The following SPECC1 variants were observed in gnomAD, a reference collection of about 807,000 sequenced individuals.
SPECC1 encodes the protein sperm antigen with calponin homology and coiled-coil domains 1.
SPECC1 carries 62 observed loss-of-function variants against 104.1 expected under a neutral mutation model. That is an observed-to-expected ratio of 0.60 (90% CI 0.49 to 0.74). SPECC1 has a LOEUF of 0.74. SPECC1 is among the 30% of genes least tolerant of loss of function. The probability of loss-of-function intolerance (pLI) is 0.00; values close to 1 mark genes in which losing one functional copy is unlikely to be tolerated. For missense variants in SPECC1, 1,306 were observed against 1,310.5 expected, an observed-to-expected ratio of 1.00 and a Z score of 0.05; for synonymous variants, 513 against 501.6, an observed-to-expected ratio of 1.02 and a Z score of -0.30.
intron 4 of SPECC1, among the ~76,000 whole-genome samples, chr17:20,211,054 T>G (rs1043330178): frequency 1.3e-5 from 2 of 152,152 alleles, no homozygotes; most frequent in African/African-American, 4.8e-5. Flanking sequence ...AATGACATTA[T>G]TGTCACTCAG....
chr17:20,133,838 TTCCCAA>T (rs2049784127), intron 3 of SPECC1, among the ~76,000 whole-genome samples: 1 of 152,174 alleles, frequency 6.6e-6, no homozygotes, highest in African/African-American at 2.4e-5. Flanking sequence ...GCACTCCGTA[TTCCCAA>T]CCAGACCAGT....
chr17:20,012,637 C>T (rs2043982851), intron 1 of SPECC1, among the ~76,000 whole-genome samples: 1 of 151,716 alleles, frequency 6.6e-6, no homozygotes, highest in Non-Finnish European at 1.5e-5. Context: ...AATTGTTACT[C>T]TTACCATTAG....
rs1251408772 is a variant in SPECC1, at chr17:20,314,477, T to TG, written c.*413dup. The TG allele has an allele frequency of 1.3e-5, 4 of 309,150 alleles. No homozygotes were observed. The highest frequency in any genetic ancestry group is 8.1e-5 in the African/African-American group (4 of 49,130). 19.2% of individuals were successfully genotyped at this position (309,150 alleles called of 1,614,324 possible). On this transcript the variant is annotated 3_prime_UTR_variant, in exon 15 of 15. Coordinates refer to ENST00000395527, the MANE Select transcript of SPECC1 (RefSeq NM_001243439.2). ...TAAAAATATCCCGGCTTTGCCTTTA[T>TG]GAAACCTTTGCCCTTGGCTGGGTGT...
At chr17:20,083,196 A>G (rs749540964) in intron 1 of SPECC1, among the ~76,000 whole-genome samples, 7 of 152,226 alleles carry the variant, frequency 4.6e-5, no homozygotes, top group Non-Finnish European at 1.0e-4. Flanking sequence ...GCTAGGCAGC[A>G]GGCACAGCAG....
Position 20,133,363 on chromosome 17 carries a change from G to A in SPECC1, c.283+22801G>A, listed in dbSNP as rs149725190. Reference sequence around the variant, plus strand: ...ACGTACCTAGGACAGAAGCAGAAGTGTAGATTATTTTGTAAAATGTGATTT... The same window carrying A: ...ACGTACCTAGGACAGAAGCAGAAGTATAGATTATTTTGTAAAATGTGATTT... On this transcript the variant is annotated intron_variant, in intron 3 of 14. Transcript: ENST00000395527. Among the ~76,000 whole-genome samples the A allele has an allele frequency of 6.2e-3, 938 of 152,090 alleles. 10 individuals carry two copies. Among genetic ancestry groups the A allele is most frequent in the African/African-American group, 0.021 (882 of 41,472 alleles).
intron 3 of SPECC1, among the ~76,000 whole-genome samples, chr17:20,174,341 A>T (rs1038369360): frequency 2.6e-4 from 39 of 152,234 alleles, no homozygotes; most frequent in African/African-American, 8.7e-4. Flanking sequence ...AATTAAATTG[A>T]TATACTGTAA....
chr17:20,255,398 C>CA (rs1450439842), intron 10 of SPECC1, among the ~76,000 whole-genome samples: 1 of 152,222 alleles, frequency 6.6e-6, no homozygotes, highest in Non-Finnish European at 1.5e-5. Flanking sequence ...AATTTGATGA[C>CA]ACGCATAGTG....
In SPECC1 at chr17:20,124,417, C is replaced by T. The variant is rs568706796; in HGVS notation, c.283+13855C>T. ...CAGCCTATGGGAAATGTTGATTTCA[C>T]TGTGAGTTCTGAAGGGCCCTGAAGA... On this transcript the variant is annotated intron_variant, in intron 3 of 14. Coordinates refer to ENST00000395527, the MANE Select transcript of SPECC1 (RefSeq NM_001243439.2). Among the ~76,000 whole-genome samples, 26 of 152,108 alleles carry T rather than the reference C, an allele frequency of 1.7e-4. 2 individuals are homozygous for T. The South Asian group carries it at 5.2e-3, about 30-fold the overall frequency.
At position 20,060,302 on chromosome 17, in the gene SPECC1, A is replaced by G. The variant is rs1431546231; in HGVS notation, c.-21-36329A>G. On this transcript the variant is annotated intron_variant, in intron 1 of 14. Transcript: ENST00000395527. ...AAGAGACCATCAAACTTTGAAAGTG[A>G]CATGGAAAGCTTATGCGGTTTCTAC... Among the ~76,000 whole-genome samples, 4 of 152,212 alleles carry G rather than the reference A, an allele frequency of 2.6e-5. No homozygotes were observed. In the East Asian group the frequency reaches 7.7e-4, roughly 29 times the overall value.
chr17:20,260,207 C>A lies in SPECC1; in HGVS notation c.2853C>A (p.Asp951Glu). The A allele has an allele frequency of 1.2e-6, 2 of 1,613,724 alleles. No individual in the cohort carries two copies. The highest frequency in any genetic ancestry group is 1.7e-6 in the Non-Finnish European group (2 of 1,179,756). Residue 951 changes from aspartate (D) to glutamate (E), a missense_variant, in exon 12 of 15, where the codon GAC becomes GAA. Asp to Glu is a conservative substitution (Grantham distance 45, BLOSUM62 2). Coordinates refer to ENST00000395527, the MANE Select transcript of SPECC1 (RefSeq NM_001243439.2). ...PQSKLSVERKDPLAALAREYG... is the reference protein window; with the variant it reads ...PQSKLSVERKEPLAALAREYG... ...TTCTAACCAGTGTGGAAAGAAAAGA[C>A]CCTCTGGCAGCCTTGGCCCGGGAAT...
At chr17:20,171,546 G>C (rs926381643) in intron 3 of SPECC1, among the ~76,000 whole-genome samples, 1 of 151,870 alleles carries the variant, frequency 6.6e-6, no homozygotes, top group Non-Finnish European at 1.5e-5. Flanking sequence ...TCATTACTTA[G>C]GTTATTCCTA....
chr17:20,112,858 A>G, intron 3 of SPECC1: 1 of 1,592,376 alleles, frequency 6.3e-7, no homozygotes, highest in Non-Finnish European at 8.6e-7. Flanking sequence ...CAACTCTGGC[A>G]GGAACTGATT....
chr17:20,218,112 C>T (rs2037623468), intron 4 of SPECC1, among the ~76,000 whole-genome samples: 1 of 152,196 alleles, frequency 6.6e-6, no homozygotes, highest in Admixed American at 6.5e-5. Context: ...ATTGGTCTTT[C>T]ATGTATTGTG....
chr17:20,289,304 C>T lies in SPECC1; in HGVS notation c.2941-7657C>T, dbSNP rs2041075343. 2.0e-5 allele frequency among the ~76,000 whole-genome samples: 3 copies of T among 152,096 alleles called. No homozygotes were observed. The South Asian group carries it at 6.2e-4, about 31-fold the overall frequency. On this transcript the variant is annotated intron_variant, in intron 12 of 14. Coordinates refer to ENST00000395527, the MANE Select transcript of SPECC1 (RefSeq NM_001243439.2). Reference sequence around the variant, plus strand: ...ATTCAAGTTGAGATTTGGGTGGGGACACAGCCAGACCATATCAGATGGAGT... The same window carrying T: ...ATTCAAGTTGAGATTTGGGTGGGGATACAGCCAGACCATATCAGATGGAGT...
At chr17:20,296,773 CTT>C (rs1225709477) in intron 12 of SPECC1, among the ~76,000 whole-genome samples, 186 bp from the exon 13 acceptor site, 3 of 152,188 alleles carry the variant, frequency 2.0e-5, no homozygotes, top group African/African-American at 7.2e-5. Flanking sequence ...ATTTTACTCT[CTT>C]TGTAGCATTT....
At chr17:20,277,622 C>G (rs1265307710) in intron 12 of SPECC1, among the ~76,000 whole-genome samples, 3 of 152,080 alleles carry the variant, frequency 2.0e-5, no homozygotes, top group Non-Finnish European at 4.4e-5. Flanking sequence ...GTGTACAGTT[C>G]AGGGGCATGA....
At chr17:20,107,676 C>T (rs1355965380) in intron 2 of SPECC1, among the ~76,000 whole-genome samples, 2 of 151,832 alleles carry the variant, frequency 1.3e-5, no homozygotes, top group African/African-American at 4.8e-5. Context: ...AGGCTCATCT[C>T]GAACTCACCT....
intron 3 of SPECC1, among the ~76,000 whole-genome samples, chr17:20,165,109 TGC>T (rs2033534553): frequency 6.6e-6 from 1 of 152,182 alleles, no homozygotes; most frequent in African/African-American, 2.4e-5. Flanking sequence ...AGTAAACGTG[TGC>T]CATGGTGGTT....
At chr17:20,160,841 G>A (rs1361753346) in intron 3 of SPECC1, among the ~76,000 whole-genome samples, 1 of 152,144 alleles carries the variant, frequency 6.6e-6, no homozygotes, top group Non-Finnish European at 1.5e-5. Context: ...GAGGAATTAA[G>A]CACATTTTCC....
Sources: gnomAD v4.1 joint callset for allele counts (sites outside exome capture counted in the v4.1 genomes callset) on GRCh38, gnomAD v4.1.1 for gene constraint, MANE v1.5 for transcripts, NCBI Gene and HGNC (gene_info 2026-07-23, HGNC 2026-07-21) for gene names.